The following PIGU variants were observed in gnomAD, a reference collection of about 807,000 sequenced individuals.
The protein encoded by PIGU is GPI-anchor transamidase component PIGU.
Under a neutral mutation model 49.9 loss-of-function variants are expected in PIGU, and 24 were observed. The observed-to-expected ratio is 0.48, with a 90% CI of 0.35 to 0.68. PIGU has a LOEUF of 0.68. PIGU is among the 30% of genes least tolerant of loss of function. The pLI is 0.01. For missense variants in PIGU, 490 were observed against 532.6 expected (o/e 0.92, Z 0.79); for synonymous variants, 220 against 205.7 (o/e 1.07, Z -0.59).
At chr20:34,674,717 A>C (rs1324672650) in intron 1 of PIGU, among the ~76,000 whole-genome samples, 2 of 152,028 alleles carry the variant, frequency 1.3e-5, no homozygotes, top group Non-Finnish European at 2.9e-5. Flanking sequence ...ACTTGAGCCC[A>C]GGAGTTTGAG....
intron 7 of PIGU, among the ~76,000 whole-genome samples, chr20:34,606,026 C>T (rs926745397): frequency 6.6e-6 from 1 of 152,044 alleles, no homozygotes; most frequent in Non-Finnish European, 1.5e-5. Context: ...GAGGCTGAGG[C>T]GGGCGGATCA....
chr20:34,649,437 A>G (rs1380955836), intron 2 of PIGU, among the ~76,000 whole-genome samples: 1 of 149,302 alleles, frequency 6.7e-6, no homozygotes, highest in Non-Finnish European at 1.5e-5. Context: ...CCAAGTTTGA[A>G]TCTAGGTATT....
intron 11 of PIGU, among the ~76,000 whole-genome samples, chr20:34,571,234 T>C (rs1983000937): frequency 6.6e-6 from 1 of 152,200 alleles, no homozygotes; most frequent in Non-Finnish European, 1.5e-5. Context: ...TTACTGACTC[T>C]GAGGAACAAC....
chr20:34,613,253 G>A lies in PIGU; in HGVS notation c.627+2789C>T, dbSNP rs118094990. Among the ~76,000 whole-genome samples the A allele has an allele frequency of 3.0e-4, 46 of 152,110 alleles. No individual in the cohort carries two copies. In the East Asian group the frequency reaches 4.4e-3, roughly 15 times the overall value. ...CAGCTCTTCCTACTCCCATCTACCCGACAAGCTGCTGCCAAAGCAATCTTC... is the reference window on the plus strand; with the variant it reads ...CAGCTCTTCCTACTCCCATCTACCCAACAAGCTGCTGCCAAAGCAATCTTC... On this transcript the variant is annotated intron_variant, in intron 7 of 11. Transcript: ENST00000217446.
intron 9 of PIGU, among the ~76,000 whole-genome samples, chr20:34,584,504 C>CT (rs5841174): frequency 0.01 from 671 of 66,346 alleles, 7 homozygotes; most frequent in African/African-American, 0.013. Context: ...AACTCCTGTT[C>CT]TTTTTTTTTT....
chr20:34,663,693 C>T (rs1266871540), intron 1 of PIGU, among the ~76,000 whole-genome samples: 2 of 152,142 alleles, frequency 1.3e-5, no homozygotes, highest in Non-Finnish European at 2.9e-5. Context: ...AAAAGGAAAT[C>T]TCAAGGAGCT....
At chr20:34,660,932 A>AT (rs1305357323) in intron 1 of PIGU, among the ~76,000 whole-genome samples, 2 of 152,196 alleles carry the variant, frequency 1.3e-5, no homozygotes, top group Non-Finnish European at 2.9e-5. Context: ...GGTTTAGGTC[A>AT]TTGCACTATG....
In PIGU at chr20:34,616,025, G is replaced by T; in HGVS notation, c.627+17C>A. The stretch of plus-strand genomic sequence containing the variant: ...AAATGTCACTTGGGTGCTGGCTTCT[G>T]ACCAGCAAGTGCTTACCTGGAGGAG... On this transcript the variant is annotated intron_variant, in intron 7 of 11. Transcript: ENST00000217446. The T allele has an allele frequency of 6.3e-7, 1 of 1,598,144 alleles. No individual in the cohort carries two copies. Among genetic ancestry groups the T allele is most frequent in the South Asian group, 1.1e-5 (1 of 88,034 alleles).
intron 4 of PIGU, 46 bp downstream of exon 4, chr20:34,644,118 A>G (rs765938991): frequency 6.7e-7 from 1 of 1,495,602 alleles, no homozygotes; most frequent in South Asian, 1.1e-5. Context: ...AAAGACCAGA[A>G]GGTTACCAAA....
intron 1 of PIGU, among the ~76,000 whole-genome samples, chr20:34,668,484 G>A (rs6142217): frequency 7.4e-4 from 29 of 39,304 alleles, no homozygotes; most frequent in Middle Eastern, 0.02. Context: ...AAAAAAAAAA[G>A]GGGGGGGCGG....
At chr20:34,596,122 A>C (rs1004796452) in intron 7 of PIGU, among the ~76,000 whole-genome samples, 1 of 152,232 alleles carries the variant, frequency 6.6e-6, no homozygotes, top group Non-Finnish European at 1.5e-5. Context: ...AGCATTGAGA[A>C]GATATGGCAA....
At chr20:34,581,934 C>T (rs564215867) in intron 9 of PIGU, among the ~76,000 whole-genome samples, 30 of 152,282 alleles carry the variant, frequency 2.0e-4, no homozygotes, top group Middle Eastern at 6.8e-3. Context: ...CAACAGTCCC[C>T]CTCTGCCTCT....
chr20:34,617,189 C>T (rs139216244), intron 6 of PIGU, among the ~76,000 whole-genome samples: 2,496 of 152,314 alleles, frequency 0.016, 86 homozygotes, highest in African/African-American at 0.058. Flanking sequence ...CACACAGAGT[C>T]CCTACTGGGG....
At chr20:34,647,415 C>A (rs1331254243) in intron 2 of PIGU, among the ~76,000 whole-genome samples, 1 of 152,072 alleles carries the variant, frequency 6.6e-6, no homozygotes, top group African/African-American at 2.4e-5. Context: ...CCGCGCGCCA[C>A]CACACCTGGC....
At chr20:34,578,091 T>A (rs1005675435) in intron 10 of PIGU, among the ~76,000 whole-genome samples, 3 of 152,222 alleles carry the variant, frequency 2.0e-5, no homozygotes, top group African/African-American at 7.2e-5. Flanking sequence ...GTTGATTGTT[T>A]TAATGTCTTC....
At chr20:34,625,724 A>G (rs922712817) in intron 6 of PIGU, among the ~76,000 whole-genome samples, 21 of 150,550 alleles carry the variant, frequency 1.4e-4, no homozygotes, top group African/African-American at 3.6e-4. Flanking sequence ...AAAAAAAAAA[A>G]AAAGAAAGAA....
At chr20:34,658,582 G>A (rs568683583) in intron 1 of PIGU, among the ~76,000 whole-genome samples, 26 of 151,962 alleles carry the variant, frequency 1.7e-4, no homozygotes, top group African/African-American at 5.8e-4. Context: ...CGTCTGAGAT[G>A]TGGGCAGTGC....
intron 7 of PIGU, among the ~76,000 whole-genome samples, chr20:34,605,872 T>C (rs1169549994): frequency 1.3e-5 from 2 of 152,154 alleles, no homozygotes; most frequent in African/African-American, 4.8e-5. Context: ...GAACACATCA[T>C]GACATTTCTC....
rs11472795 is a variant in PIGU at position 34,642,693 on chromosome 20, CATATAT to C, written c.318+1465_318+1470del. Among the ~76,000 whole-genome samples the C allele has an allele frequency of 8.0e-3, 959 of 120,282 alleles. 23 individuals are homozygous for C. Among genetic ancestry groups the C allele is most frequent in the African/African-American group, 0.029 (931 of 32,356 alleles). The allele number at this position is 120,282 out of a possible 152,430, so 78.9% of individuals were successfully genotyped here. On this transcript the variant is annotated intron_variant, in intron 4 of 11. Transcript: ENST00000217446. ...TATATATATGCACACACACATATCT[CATATAT>C]ATATATATATATATGCACACACACA...
Sources: allele counts gnomAD v4.1 joint callset (sites outside exome capture counted in the v4.1 genomes callset), GRCh38; gene constraint gnomAD v4.1.1; transcripts MANE v1.5; gene names NCBI Gene and HGNC (gene_info 2026-07-23, HGNC 2026-07-21).